TRERF1: variants seen among roughly 807,000 people sequenced by gnomAD.
The protein encoded by TRERF1 is transcriptional-regulating factor 1.
A neutral mutation model predicts 122.9 loss-of-function variants in TRERF1; 27 were observed. The ratio of observed to expected loss-of-function variants is 0.22; its 90% CI spans 0.16 to 0.30. The LOEUF is 0.30. Ranked by LOEUF, TRERF1 falls within the 10% of genes least tolerant of loss-of-function variation. TRERF1 has a pLI of 1.00. For synonymous variants in TRERF1, 636 were observed against 641.7 expected, an observed-to-expected ratio of 0.99 and a Z score of 0.13; for missense variants, 1,248 against 1,560.3, an observed-to-expected ratio of 0.80 and a Z score of 3.37.
chr6:42,329,467 G>C (rs1037784592), intron 3 of TRERF1, among the ~76,000 whole-genome samples: 1 of 151,986 alleles, frequency 6.6e-6, no homozygotes, highest in Non-Finnish European at 1.5e-5. Context: ...TCTTCCCCAG[G>C]ACCAACCTCC....
At chr6:42,310,006 T>C (rs1013457546) in intron 3 of TRERF1, among the ~76,000 whole-genome samples, 8 of 152,186 alleles carry the variant, frequency 5.3e-5, no homozygotes, top group Admixed American at 5.2e-4. Context: ...TGAAGCAATC[T>C]GCCTGTCTTG....
intron 4 of TRERF1, among the ~76,000 whole-genome samples, chr6:42,300,063 C>A (rs1287444589): frequency 1.3e-5 from 2 of 152,192 alleles, no homozygotes; most frequent in East Asian, 1.9e-4. Flanking sequence ...GTCATGACAG[C>A]CAAATCTTCA....
chr6:42,265,384 C>A (rs1778963357), intron 6 of TRERF1, among the ~76,000 whole-genome samples: 1 of 152,208 alleles, frequency 6.6e-6, no homozygotes, highest in African/African-American at 2.4e-5. Flanking sequence ...TCAATAAATA[C>A]TGAATGAATG....
intron 3 of TRERF1, among the ~76,000 whole-genome samples, chr6:42,305,013 G>A (rs894149221): frequency 5.9e-5 from 9 of 152,174 alleles, no homozygotes; most frequent in Non-Finnish European, 1.3e-4. Flanking sequence ...AAAGGCCAAA[G>A]AACAGCTACT....
rs778122657 is a variant in TRERF1, at chr6:42,263,509, C to A, written c.1695G>T (p.Pro565=). 6.4e-6 allele frequency: 10 copies of A among 1,564,024 alleles called. No homozygotes were observed. The highest frequency in any genetic ancestry group is 8.7e-6 in the Non-Finnish European group (10 of 1,153,158). Residue 565 remains proline (P), a synonymous_variant, in exon 8 of 18, where the codon CCG becomes CCT. Transcript: ENST00000372922. This position sits in a 1 kb window ranked among gnomAD's most constrained non-coding sequence, Gnocchi z 5.6. Reference sequence around the variant, plus strand: ...GAGGGAGCTGTGGTGGCGGCGGAGGCGGAGGCGGAGGCGGCAGTGGTGGCT... The same window carrying A: ...GAGGGAGCTGTGGTGGCGGCGGAGGAGGAGGCGGAGGCGGCAGTGGTGGCT...
At chr6:42,451,841 G>C (rs1486193957) in intron 1 of TRERF1, among the ~76,000 whole-genome samples, 1 of 151,728 alleles carries the variant, frequency 6.6e-6, no homozygotes, top group Non-Finnish European at 1.5e-5. Context: ...TGCAGCGCCG[G>C]GCTGCGCGCG....
At chr6:42,364,570 G>A (rs1772371423) in intron 2 of TRERF1, among the ~76,000 whole-genome samples, 1 of 152,186 alleles carries the variant, frequency 6.6e-6, no homozygotes, top group Non-Finnish European at 1.5e-5. Context: ...CAAGAAGGAG[G>A]AAGCTGTCCA....
At chr6:42,226,498 A>G (rs1343369689) in exon 18 of TRERF1, 2 of 151,954 alleles carry the variant, frequency 1.3e-5, no homozygotes, top group Non-Finnish European at 1.5e-5. Context: ...CTGCTTGGAT[A>G]AAACAGGATA....
At chr6:42,335,713 C>T (rs1049528959) in intron 3 of TRERF1, among the ~76,000 whole-genome samples, 24 of 152,294 alleles carry the variant, frequency 1.6e-4, no homozygotes, top group Middle Eastern at 3.4e-3. Flanking sequence ...TCCTGCCAAC[C>T]TGGTCAGCAC....
chr6:42,417,594 G>T lies in TRERF1; in HGVS notation c.-454+33583C>A, dbSNP rs571665206. Among the ~76,000 whole-genome samples, 492 of 152,288 alleles carry T rather than the reference G, an allele frequency of 3.2e-3. 2 individuals carry two copies. Among genetic ancestry groups the T allele is most frequent in the African/African-American group, 0.011 (472 of 41,552 alleles). ...GTATAAAGAGGAGGAACGACTGGCC[G>T]GCCAGGAAACCCACATCCAGCAAGA... On this transcript the variant is annotated intron_variant, in intron 2 of 17. Transcript: ENST00000372922.
intron 3 of TRERF1, among the ~76,000 whole-genome samples, chr6:42,309,500 G>A (rs1422258752): frequency 6.6e-6 from 1 of 152,202 alleles, no homozygotes; most frequent in African/African-American, 2.4e-5. Flanking sequence ...TGTGTTATAT[G>A]TGCAAAATGC....
At chr6:42,249,234 C>T (rs1411004820) in intron 13 of TRERF1, among the ~76,000 whole-genome samples, 2 of 152,156 alleles carry the variant, frequency 1.3e-5, no homozygotes, top group East Asian at 3.8e-4. Flanking sequence ...ATAATTCTTT[C>T]CAACCTCAAC....
chr6:42,384,830 G>T (rs1462105889), intron 2 of TRERF1, among the ~76,000 whole-genome samples: 14 of 151,484 alleles, frequency 9.2e-5, no homozygotes, highest in Admixed American at 9.2e-4. Flanking sequence ...TTCAAGACAG[G>T]GTCTCACTGT....
chr6:42,423,544 G>GCA (rs1453037589), intron 2 of TRERF1, among the ~76,000 whole-genome samples: 1 of 152,000 alleles, frequency 6.6e-6, no homozygotes, highest in Non-Finnish European at 1.5e-5. Flanking sequence ...AGATCTCCCA[G>GCA]CACCACCTTG....
At chr6:42,363,927 GTGGTACT>G (rs1410073993) in intron 2 of TRERF1, among the ~76,000 whole-genome samples, 3 of 152,204 alleles carry the variant, frequency 2.0e-5, no homozygotes, top group Admixed American at 2.0e-4. Context: ...CACCCAGTGT[GTGGTACT>G]TGGTTATAGC....
intron 3 of TRERF1, among the ~76,000 whole-genome samples, chr6:42,302,244 A>AT (rs200753665): frequency 0.012 from 1,777 of 151,948 alleles, 14 homozygotes; most frequent in African/African-American, 0.022. Context: ...CTATAAAATG[A>AT]TTTTTTTTTA....
chr6:42,357,096 C>G (rs181601513), intron 3 of TRERF1, among the ~76,000 whole-genome samples: 1 of 151,642 alleles, frequency 6.6e-6, no homozygotes. Context: ...TTTGGGAGGC[C>G]GAGGCAGATG....
intron 2 of TRERF1, among the ~76,000 whole-genome samples, chr6:42,381,828 A>T (rs929858906): frequency 6.7e-5 from 10 of 148,258 alleles, no homozygotes; most frequent in Non-Finnish European, 1.5e-4. Flanking sequence ...GGGCTCAGGG[A>T]GGCCATCAGA....
intron 2 of TRERF1, among the ~76,000 whole-genome samples, chr6:42,364,913 T>C (rs1772445944): frequency 1.3e-5 from 2 of 151,804 alleles, no homozygotes; most frequent in Middle Eastern, 3.2e-3. Context: ...GCAGGAAGCA[T>C]GGGGATCCCT....
Sources: allele counts gnomAD v4.1 joint callset (sites outside exome capture counted in the v4.1 genomes callset), GRCh38; gene constraint gnomAD v4.1.1; non-coding constraint Gnocchi (gnomAD v3.1); transcripts MANE v1.5; gene names NCBI Gene and HGNC (gene_info 2026-07-23, HGNC 2026-07-21).